KDM4C: variants seen among roughly 807,000 people sequenced by gnomAD.
The protein encoded by KDM4C is lysine demethylase 4C.
A neutral mutation model predicts 129.3 loss-of-function variants in KDM4C; 81 were observed. That is an observed-to-expected ratio of 0.63 (90% CI 0.52 to 0.75). The LOEUF (loss-of-function observed/expected upper bound fraction) is 0.75. KDM4C is among the 30% of genes least tolerant of loss of function. The pLI is 0.00. For synonymous variants in KDM4C, 573 were observed against 456.1 expected (o/e 1.26, Z -3.26); for missense variants, 1,457 against 1,304.0 (o/e 1.12, Z -1.81).
intron 15 of KDM4C, among the ~76,000 whole-genome samples, chr9:7,028,008 A>T (rs1826081366): frequency 6.6e-6 from 1 of 152,200 alleles, no homozygotes; most frequent in African/African-American, 2.4e-5. Context: ...CCGCTGGCCC[A>T]GAACTGGTAA....
chr9:7,123,894 A>T (rs903166180), intron 18 of KDM4C, among the ~76,000 whole-genome samples: 2 of 152,178 alleles, frequency 1.3e-5, no homozygotes, highest in Non-Finnish European at 2.9e-5. Flanking sequence ...GATCCTTGTC[A>T]GTGAGAAGTC....
chr9:6,846,478 G>C (rs1564148331), intron 4 of KDM4C, among the ~76,000 whole-genome samples: 1 of 152,158 alleles, frequency 6.6e-6, no homozygotes, highest in African/African-American at 2.4e-5. Flanking sequence ...TGTGGAGCCT[G>C]TTTTTGGAGT....
At position 7,011,701 on chromosome 9, in the gene KDM4C, T is replaced by A. The variant is rs1822726528; in HGVS notation, c.1790T>A (p.Leu597Ter). The A allele has an allele frequency of 3.7e-6, 6 of 1,613,944 alleles. No homozygotes were observed. The highest frequency in any genetic ancestry group is 5.1e-6 in the Non-Finnish European group (6 of 1,179,944). Reference protein sequence around the residue: ...VKQQAPSDEELPEVLSIEEEV... With the variant: ...VKQQAPSDEE ...TTTTCCTGCCTTCTCCCTTAAGAATTGCCTGAGGTTCTGTCCATTGAGGAG... is the reference window on the plus strand; with the variant it reads ...TTTTCCTGCCTTCTCCCTTAAGAATAGCCTGAGGTTCTGTCCATTGAGGAG... The change falls in exon 13 of 22, where the codon TTG becomes TAG. Residue 597 changes from leucine to a stop codon, truncating the protein, a stop_gained. Coordinates refer to ENST00000381309, the MANE Select transcript of KDM4C (RefSeq NM_015061.6). LOFTEE classifies it high-confidence loss of function.
intron 5 of KDM4C, among the ~76,000 whole-genome samples, chr9:6,870,623 A>G (rs1842697456): frequency 6.6e-6 from 1 of 152,098 alleles, no homozygotes; most frequent in Middle Eastern, 3.4e-3. Flanking sequence ...GTTTTTGAAC[A>G]CTTTAGTGAA....
chr9:6,919,223 C>CTTTCTTTCTTTCTTTCTTT (rs532687391), intron 8 of KDM4C, among the ~76,000 whole-genome samples: 1 of 108,914 alleles, frequency 9.2e-6, no homozygotes, highest in Non-Finnish European at 2.1e-5. Context: ...TTTCTTTTTC[C>CTTTCTTTCTTTCTTTCTTT]TTCTTTCTTT....
At chr9:6,790,577 A>G (rs765958713) in intron 1 of KDM4C, among the ~76,000 whole-genome samples, 2 of 138,718 alleles carry the variant, frequency 1.4e-5, no homozygotes, top group Non-Finnish European at 3.0e-5. Flanking sequence ...TTAACCTGTT[A>G]CTATCTCATG....
chr9:7,100,442 C>A (rs781016275), intron 17 of KDM4C, among the ~76,000 whole-genome samples: 1 of 152,032 alleles, frequency 6.6e-6, no homozygotes, highest in South Asian at 2.1e-4. Flanking sequence ...TGGGTTCAAG[C>A]GACTCTCCTG....
intron 1 of KDM4C, among the ~76,000 whole-genome samples, chr9:6,762,528 A>G (rs1819759556): frequency 6.6e-6 from 1 of 151,746 alleles, no homozygotes. Context: ...TTAAAGTCAC[A>G]GTATCTTTTT....
At chr9:6,943,637 T>G (rs538058394) in intron 8 of KDM4C, among the ~76,000 whole-genome samples, 1 of 151,306 alleles carries the variant, frequency 6.6e-6, no homozygotes, top group South Asian at 2.1e-4. Flanking sequence ...ATTGCCCCAC[T>G]GCACTCCAGT....
chr9:7,084,612 G>A (rs749440806), intron 17 of KDM4C, among the ~76,000 whole-genome samples: 12 of 152,210 alleles, frequency 7.9e-5, no homozygotes, highest in South Asian at 2.1e-4. Flanking sequence ...TAAACAATCC[G>A]TCCATTTAGG....
At chr9:6,784,494 A>G (rs1417121070) in intron 1 of KDM4C, among the ~76,000 whole-genome samples, 1 of 152,132 alleles carries the variant, frequency 6.6e-6, no homozygotes, top group Admixed American at 6.6e-5. Context: ...GGCCTCCCAA[A>G]GTGGTGAGAT....
chr9:6,937,961 C>T (rs1276449246), intron 8 of KDM4C, among the ~76,000 whole-genome samples: 1 of 152,150 alleles, frequency 6.6e-6, no homozygotes. Context: ...ATCTGCCCTC[C>T]TTGGCCTCCC....
At chr9:6,813,002 C>T (rs1322631851) in intron 3 of KDM4C, among the ~76,000 whole-genome samples, 19 of 152,008 alleles carry the variant, frequency 1.2e-4, no homozygotes, top group Non-Finnish European at 1.5e-5. Context: ...ATGGAGAAAC[C>T]CCGTCTCTAC....
intron 15 of KDM4C, among the ~76,000 whole-genome samples, chr9:7,044,999 G>A (rs1355977802): frequency 2.0e-5 from 3 of 151,956 alleles, no homozygotes; most frequent in African/African-American, 7.2e-5. Context: ...GGTGAACCAA[G>A]GACTTGGAAT....
At chr9:6,742,569 T>TC (rs1401531253) in intron 1 of KDM4C, among the ~76,000 whole-genome samples, 3 of 151,836 alleles carry the variant, frequency 2.0e-5, no homozygotes, top group African/African-American at 7.3e-5. Context: ...TTTTTTTTTT[T>TC]TTTTGTACTG....
chr9:6,938,002 G>A (rs1002011735), intron 8 of KDM4C, among the ~76,000 whole-genome samples: 29 of 152,126 alleles, frequency 1.9e-4, no homozygotes, highest in Non-Finnish European at 3.8e-4. Flanking sequence ...ATGAGCCACC[G>A]TGGCCGGCCA....
intron 18 of KDM4C, among the ~76,000 whole-genome samples, chr9:7,122,748 C>G (rs1335138615): frequency 1.3e-5 from 2 of 151,680 alleles, no homozygotes; most frequent in African/African-American, 2.4e-5. Context: ...ACTGGCCCTA[C>G]CATTTTTTAA....
At chr9:6,943,978 C>A (rs1826426183) in intron 8 of KDM4C, among the ~76,000 whole-genome samples, 1 of 152,224 alleles carries the variant, frequency 6.6e-6, no homozygotes, top group East Asian at 1.9e-4. Flanking sequence ...TACCTGGATC[C>A]TTGCTAATTT....
chr9:6,866,254 C>A (rs770759570), intron 5 of KDM4C, among the ~76,000 whole-genome samples: 2 of 151,958 alleles, frequency 1.3e-5, no homozygotes, highest in African/African-American at 4.8e-5. Flanking sequence ...GATTTATTTA[C>A]CAAGGATATT....
Sources: gnomAD v4.1 joint callset for allele counts (sites outside exome capture counted in the v4.1 genomes callset) on GRCh38, gnomAD v4.1.1 for gene constraint, MANE v1.5 for transcripts, NCBI Gene and HGNC (gene_info 2026-07-23, HGNC 2026-07-21) for gene names.